The following MGAT4C variants were observed in gnomAD, a reference collection of about 807,000 sequenced individuals.
The protein encoded by MGAT4C is MGAT4 family member C.
Under a neutral mutation model 40.1 loss-of-function variants are expected in MGAT4C, and 19 were observed. That is an observed-to-expected ratio of 0.47 (90% CI 0.33 to 0.70). The LOEUF (loss-of-function observed/expected upper bound fraction) is 0.70. MGAT4C is among the 30% of genes least tolerant of loss of function. The pLI is 0.02. For synonymous variants in MGAT4C, 181 were observed against 187.1 expected, an observed-to-expected ratio of 0.97 and a Z score of 0.27; for missense variants, 491 against 563.2, an observed-to-expected ratio of 0.87 and a Z score of 1.30.
At chr12:86,603,907 CTATT>C (rs925785778) in intron 2 of MGAT4C, among the ~76,000 whole-genome samples, 3 of 149,978 alleles carry the variant, frequency 2.0e-5, no homozygotes, top group South Asian at 2.1e-4. Context: ...CAAAAGATAA[CTATT>C]TGAGGTGCTG....
At chr12:85,981,061 G>C (rs564242564) in intron 4 of MGAT4C, among the ~76,000 whole-genome samples, 10 of 152,050 alleles carry the variant, frequency 6.6e-5, no homozygotes, top group African/African-American at 2.4e-4. Context: ...TAATTAGAAA[G>C]CAAACAATAT....
intron 1 of MGAT4C, among the ~76,000 whole-genome samples, chr12:86,181,558 G>T (rs1888123445): frequency 6.6e-6 from 1 of 152,038 alleles, no homozygotes; most frequent in Non-Finnish European, 1.5e-5. Flanking sequence ...AATGCTCAAG[G>T]ATCCTAAGTA....
At chr12:86,562,765 G>T (rs1436021606) in intron 2 of MGAT4C, among the ~76,000 whole-genome samples, 1 of 152,096 alleles carries the variant, frequency 6.6e-6, no homozygotes, top group Non-Finnish European at 1.5e-5. Context: ...GCAGAAATCT[G>T]GAGAACACCC....
intron 4 of MGAT4C, among the ~76,000 whole-genome samples, chr12:86,277,807 A>G (rs1953113686): frequency 6.6e-6 from 1 of 152,172 alleles, no homozygotes; most frequent in South Asian, 2.1e-4. Context: ...GTTATTTAGT[A>G]TAATTTGAAG....
intron 2 of MGAT4C, among the ~76,000 whole-genome samples, chr12:86,468,629 C>T (rs557111833): frequency 4.6e-5 from 7 of 152,180 alleles, no homozygotes; most frequent in East Asian, 1.9e-4. Flanking sequence ...CCTATAAAGC[C>T]TTACATGAAC....
intron 1 of MGAT4C, among the ~76,000 whole-genome samples, chr12:86,084,681 CT>C (rs1399594694): frequency 2.0e-5 from 3 of 150,544 alleles, no homozygotes; most frequent in African/African-American, 7.3e-5. Context: ...TATTTGTATA[CT>C]GTATGGGAAC....
chr12:86,761,939 G>A (rs1951414067), intron 1 of MGAT4C, among the ~76,000 whole-genome samples: 1 of 152,020 alleles, frequency 6.6e-6, no homozygotes, highest in Non-Finnish European at 1.5e-5. Flanking sequence ...AGTTTCTTGG[G>A]ATTAGGACAT....
chr12:86,308,507 T>C (rs897069318), intron 4 of MGAT4C, among the ~76,000 whole-genome samples: 1 of 150,314 alleles, frequency 6.7e-6, no homozygotes, highest in Non-Finnish European at 1.5e-5. Context: ...TGTTTTCTTC[T>C]GCAAAGGAAA....
chr12:86,030,359 C>T (rs1890630448), intron 2 of MGAT4C, among the ~76,000 whole-genome samples: 2 of 151,732 alleles, frequency 1.3e-5, no homozygotes, highest in Admixed American at 6.6e-5. Context: ...CAGAAATCTT[C>T]ACTTTATAGC....
At chr12:86,163,657 C>T (rs1885856866) in intron 1 of MGAT4C, among the ~76,000 whole-genome samples, 1 of 152,054 alleles carries the variant, frequency 6.6e-6, no homozygotes, top group Admixed American at 6.6e-5. Context: ...CTGCTTTAAA[C>T]AGATCATTCT....
intron 1 of MGAT4C, among the ~76,000 whole-genome samples, chr12:86,731,820 G>A (rs182762072): frequency 5.9e-5 from 9 of 152,104 alleles, no homozygotes; most frequent in African/African-American, 1.4e-4. Context: ...TAAGGTTTTC[G>A]CATCACACAA....
chr12:86,530,252 T>G (rs569753399), intron 2 of MGAT4C, among the ~76,000 whole-genome samples: 1 of 151,946 alleles, frequency 6.6e-6, no homozygotes, highest in Non-Finnish European at 1.5e-5. Context: ...CATTAGCAAC[T>G]AGTTCTCACT....
chr12:86,800,981 ATCT>A (rs1952215358), intron 1 of MGAT4C, among the ~76,000 whole-genome samples: 1 of 151,912 alleles, frequency 6.6e-6, no homozygotes, highest in South Asian at 2.1e-4. Flanking sequence ...TTCAGGTGAT[ATCT>A]TATCACTCTG....
At chr12:86,235,510 C>A (rs1373547189) in intron 1 of MGAT4C, among the ~76,000 whole-genome samples, 1 of 152,036 alleles carries the variant, frequency 6.6e-6, no homozygotes, top group African/African-American at 2.4e-5. Context: ...CCCTCCACCC[C>A]CTTGTTTCAG....
chr12:86,131,615 A>G (rs1014958099), intron 1 of MGAT4C, among the ~76,000 whole-genome samples: 1 of 151,982 alleles, frequency 6.6e-6, no homozygotes, highest in African/African-American at 2.4e-5. Context: ...ATTTTAATGA[A>G]TTTTTACTGG....
chr12:86,427,847 C>T (rs567644189), intron 3 of MGAT4C, among the ~76,000 whole-genome samples: 15 of 152,138 alleles, frequency 9.9e-5, no homozygotes, highest in East Asian at 7.8e-4. Context: ...GGTGAAACCC[C>T]GTCTCTACTA....
At chr12:86,063,461 A>G (rs929656899) in intron 1 of MGAT4C, among the ~76,000 whole-genome samples, 1 of 152,228 alleles carries the variant, frequency 6.6e-6, no homozygotes, top group African/African-American at 2.4e-5. Context: ...AAGAAACTGC[A>G]TCAATTAATG....
intron 1 of MGAT4C, among the ~76,000 whole-genome samples, chr12:86,810,689 G>A (rs1952455068): frequency 6.6e-6 from 1 of 150,988 alleles, no homozygotes. Context: ...ACTTGATCAT[G>A]GCCTATAATT....
intron 3 of MGAT4C, among the ~76,000 whole-genome samples, chr12:86,363,454 G>A (rs1955527029): frequency 6.6e-6 from 1 of 152,066 alleles, no homozygotes; most frequent in Admixed American, 6.5e-5. Flanking sequence ...GTAGGATGCA[G>A]CTAATTCAGA....
Sources: allele counts gnomAD v4.1 joint callset (sites outside exome capture counted in the v4.1 genomes callset), GRCh38; gene constraint gnomAD v4.1.1; transcripts MANE v1.5; gene names NCBI Gene and HGNC (gene_info 2026-07-23, HGNC 2026-07-21).